ANKRD13A: variants seen among roughly 807,000 people sequenced by gnomAD.
The protein encoded by ANKRD13A is ankyrin repeat domain 13A.
A neutral mutation model predicts 81.3 loss-of-function variants in ANKRD13A; 48 were observed. That is an observed-to-expected ratio of 0.59 (90% CI 0.47 to 0.75). The LOEUF (loss-of-function observed/expected upper bound fraction) is 0.75. Ranked by LOEUF, ANKRD13A falls within the 30% of genes least tolerant of loss-of-function variation. ANKRD13A has a pLI of 0.00. For synonymous variants in ANKRD13A, 230 were observed against 270.1 expected (o/e 0.85, Z 1.45); for missense variants, 612 against 734.0 (o/e 0.83, Z 1.92).
chr12:110,003,694 G>GGT (rs1172472790), intron 1 of ANKRD13A, among the ~76,000 whole-genome samples: 15 of 152,226 alleles, frequency 9.9e-5, no homozygotes, highest in Non-Finnish European at 1.8e-4. Context: ...TGGGCAAGCT[G>GGT]GAAGGGGTGT....
intron 1 of ANKRD13A, among the ~76,000 whole-genome samples, chr12:110,000,990 C>T (rs1391990097): frequency 6.6e-6 from 1 of 151,794 alleles, no homozygotes; most frequent in African/African-American, 2.4e-5. Context: ...CTCCCGACCT[C>T]AGGTGATCCG....
intron 7 of ANKRD13A, 103 bp from the exon 8 acceptor site, chr12:110,025,638 TG>T: frequency 1.3e-6 from 1 of 781,542 alleles, no homozygotes; most frequent in Non-Finnish European, 2.1e-6. Context: ...TTTATTTTGC[TG>T]GATTGTTTTC....
At chr12:110,025,964 CTTTTT>C in intron 8 of ANKRD13A, 141 bp downstream of exon 8, 31 of 505,012 alleles carry the variant, frequency 6.1e-5, no homozygotes, top group Admixed American at 8.5e-5. Context: ...CTCTCTCTCT[CTTTTT>C]TTTTTTTTTT....
Position 110,037,516 on chromosome 12 carries a change from C to T in ANKRD13A, c.1735C>T (p.Leu579Phe), listed in dbSNP as rs1892138056. ...CCGGCTCCAGGAGGAAGAGGCTGAG[C>T]TCCAGCAAGTCTTACAGCTGTCACT... Reference protein sequence around the residue: ...ELRLQEEEAELQQVLQLSLTD... With the variant: ...ELRLQEEEAEFQQVLQLSLTD... The change falls in exon 15 of 15, where the codon CTC becomes TTC. Residue 579 changes from leucine to phenylalanine, a missense_variant. Transcript: ENST00000261739. 6.2e-7 allele frequency: 1 copy of T among 1,614,028 alleles called. No homozygotes were observed. The highest frequency in any genetic ancestry group is 1.1e-5 in the South Asian group (1 of 91,068).
intron 13 of ANKRD13A, among the ~76,000 whole-genome samples, chr12:110,034,370 T>G (rs1189972461): frequency 6.6e-6 from 1 of 152,168 alleles, no homozygotes; most frequent in Non-Finnish European, 1.5e-5. Context: ...GGGTACCATC[T>G]CCCTAAACTC....
At chr12:110,013,911 A>T (rs1309354728) in intron 3 of ANKRD13A, among the ~76,000 whole-genome samples, 1 of 152,084 alleles carries the variant, frequency 6.6e-6, no homozygotes, top group African/African-American at 2.4e-5. Context: ...CCTCCTGAGC[A>T]TCTGTAATCT....
intron 3 of ANKRD13A, among the ~76,000 whole-genome samples, chr12:110,013,689 T>G (rs1415103816): frequency 6.6e-6 from 1 of 152,120 alleles, no homozygotes; most frequent in Non-Finnish European, 1.5e-5. Context: ...GATGATCGCT[T>G]GAACCCAGAA....
chr12:110,021,164 G>T (rs1238663246), intron 6 of ANKRD13A: 1 of 456,896 alleles, frequency 2.2e-6, no homozygotes, highest in South Asian at 1.5e-5. Context: ...AGCTGAGAGA[G>T]AATTTTTGGA....
At chr12:110,030,940 C>G (rs1284851345) in intron 12 of ANKRD13A, among the ~76,000 whole-genome samples, 182 bp downstream of exon 12, 1 of 151,694 alleles carries the variant, frequency 6.6e-6, no homozygotes, top group Non-Finnish European at 1.5e-5. Context: ...ACTAATAATA[C>G]AAAAATTAGC....
chr12:110,018,631 C>A lies in ANKRD13A; in HGVS notation c.544+143C>A. ...TTTTTGGTTATTCTTATTAATTATT[C>A]AGCTCTCCATCCCTGTCTTCGTTCT... On this transcript the variant is annotated intron_variant, in intron 5 of 14. Transcript: ENST00000261739. This position sits in a 1 kb window ranked among gnomAD's most constrained non-coding sequence, Gnocchi z 4.4. The A allele has an allele frequency of 1.0e-6, 1 of 991,570 alleles. No individual in the cohort carries two copies. The highest frequency in any genetic ancestry group is 1.5e-6 in the Non-Finnish European group (1 of 686,520). The allele number at this position is 991,570 out of a possible 1,614,324, so 61.4% of individuals were successfully genotyped here.
At chr12:110,022,255 C>G (rs936372857) in intron 6 of ANKRD13A, 2 of 152,136 alleles carry the variant, frequency 1.3e-5, no homozygotes, top group African/African-American at 4.8e-5. Context: ...CGAGACCATC[C>G]TGGCTAACAC....
intron 6 of ANKRD13A, among the ~76,000 whole-genome samples, chr12:110,020,885 A>G (rs780668787): frequency 1.3e-5 from 2 of 152,218 alleles, no homozygotes; most frequent in Non-Finnish European, 2.9e-5. Context: ...GAATCTGGAG[A>G]TGAAATCTCC....
At chr12:110,002,599 G>C (rs1446972173) in intron 1 of ANKRD13A, among the ~76,000 whole-genome samples, 3 of 152,178 alleles carry the variant, frequency 2.0e-5, no homozygotes, top group Admixed American at 1.3e-4. Context: ...CTGGGAGACA[G>C]AGCGAGGCTC....
intron 7 of ANKRD13A, 49 bp from the exon 8 acceptor site, chr12:110,025,693 G>T: frequency 7.0e-7 from 1 of 1,420,920 alleles, no homozygotes; most frequent in Non-Finnish European, 9.7e-7. Flanking sequence ...GCTTACTTTT[G>T]GAGTTTTGAT....
intron 11 of ANKRD13A, 57 bp from the exon 12 acceptor site, chr12:110,030,588 C>T: frequency 1.9e-6 from 2 of 1,037,904 alleles, no homozygotes; most frequent in Non-Finnish European, 1.4e-6. Flanking sequence ...TAAATGATAA[C>T]TATTATTGTT....
At chr12:110,016,344 T>C (rs1329457217) in intron 3 of ANKRD13A, 44 bp from the exon 4 acceptor site, 5 of 1,468,390 alleles carry the variant, frequency 3.4e-6, no homozygotes, top group Non-Finnish European at 4.6e-6. Flanking sequence ...GTTGTGTTGA[T>C]AGTGCCAAGG....
intron 6 of ANKRD13A, chr12:110,023,789 G>A: frequency 2.5e-6 from 1 of 395,622 alleles, no homozygotes. Context: ...CTCAATGCTG[G>A]CAGTTTTGTA....
chr12:110,019,658 ACTCAGTCCCAGAC>A (rs1471647080), intron 6 of ANKRD13A, among the ~76,000 whole-genome samples: 4 of 152,172 alleles, frequency 2.6e-5, no homozygotes, highest in Non-Finnish European at 5.9e-5. Flanking sequence ...GATCCACAAT[ACTCAGTCCCAGAC>A]CACAGAGCGT....
chr12:110,007,306 A>G lies in ANKRD13A; in HGVS notation c.97-4699A>G, dbSNP rs574225078. 7.9e-5 allele frequency among the ~76,000 whole-genome samples: 12 copies of G among 152,264 alleles called. No homozygotes were observed. In the South Asian group the frequency reaches 2.5e-3, roughly 32 times the overall value. ...TGGAGAGTTTTGTCATTTTAACAAT[A>G]TTGTCTTTTAAACCATGAGCATAAG... On this transcript the variant is annotated intron_variant, in intron 1 of 14. Transcript: ENST00000261739.
Sources: gnomAD v4.1 joint callset for allele counts (sites outside exome capture counted in the v4.1 genomes callset) on GRCh38, gnomAD v4.1.1 for gene constraint, Gnocchi (gnomAD v3.1) non-coding constraint, MANE v1.5 for transcripts, NCBI Gene and HGNC (gene_info 2026-07-23, HGNC 2026-07-21) for gene names.